Variants in SERINC1 observed in about 807,000 individuals in gnomAD.
The protein encoded by SERINC1 is serine incorporator 1.
A neutral mutation model predicts 52.9 loss-of-function variants in SERINC1; 38 were observed. The observed-to-expected ratio is 0.72, with a 90% CI of 0.55 to 0.94. The LOEUF (loss-of-function observed/expected upper bound fraction) is 0.94, where lower values mean the gene tolerates loss of function less well. SERINC1 is among the 40% of genes least tolerant of loss of function. The pLI, the probability that SERINC1 is intolerant of heterozygous loss-of-function variation, is 0.00. For missense variants in SERINC1, 471 were observed against 533.9 expected (o/e 0.88, Z 1.16); for synonymous variants, 198 against 183.1 (o/e 1.08, Z -0.66).
At chr6:122,458,755 A>T in intron 1 of SERINC1, 74 bp from the exon 2 acceptor site, 1 of 1,046,818 alleles carries the variant, frequency 9.6e-7, no homozygotes, top group Non-Finnish European at 1.4e-6. Flanking sequence ...ATACAATGAA[A>T]ATTGACATTC....
intron 9 of SERINC1, 72 bp from the exon 10 acceptor site, chr6:122,445,251 C>A: frequency 6.9e-7 from 1 of 1,452,302 alleles, no homozygotes; most frequent in Non-Finnish European, 9.5e-7. Context: ...TATGAAGCTT[C>A]ATTAATTCAG....
At chr6:122,460,989 TAAGAA>T (rs1775091238) in intron 1 of SERINC1, among the ~76,000 whole-genome samples, 1 of 151,608 alleles carries the variant, frequency 6.6e-6, no homozygotes, top group Non-Finnish European at 1.5e-5. Flanking sequence ...CCTGAAGACA[TAAGAA>T]AATAAATGAT....
chr6:122,471,115 C>A (rs1021744559), intron 1 of SERINC1, among the ~76,000 whole-genome samples: 9 of 151,628 alleles, frequency 5.9e-5, no homozygotes, highest in Non-Finnish European at 2.9e-5. Context: ...ATTGACACTT[C>A]AAACAGTTAC....
intron 7 of SERINC1, among the ~76,000 whole-genome samples, chr6:122,450,977 C>A (rs1171932600): frequency 6.6e-6 from 1 of 152,134 alleles, no homozygotes; most frequent in Non-Finnish European, 1.5e-5. Flanking sequence ...TAGAATATTA[C>A]ATAAACTTAC....
chr6:122,445,085 G>T lies in SERINC1; in HGVS notation c.1321C>A (p.Leu441Ile). Residue 441 changes from leucine (L) to isoleucine (I), a missense_variant, in exon 10 of 10, where the codon CTC (leucine) becomes ATC (isoleucine). Leu to Ile is a conservative substitution (Grantham distance 5). Transcript: ENST00000339697. ...TTTGTAAGAACAAGTGGTGCCACGA[G>T]TGTCCAAACATACAGCACGATGCCA... ...WIGIVLYVWT[L>I]VAPLVLTNRD... 2.5e-6 allele frequency: 4 copies of T among 1,614,020 alleles called. No individual in the cohort carries two copies. Among genetic ancestry groups the T allele is most frequent in the Non-Finnish European group, 3.4e-6 (4 of 1,179,918 alleles).
At chr6:122,456,445 C>A (rs778316534) in intron 3 of SERINC1, 36 bp downstream of exon 3, 2 of 1,363,400 alleles carry the variant, frequency 1.5e-6, no homozygotes, top group Admixed American at 2.7e-5. Context: ...AAGAGGCTAC[C>A]CAAGCTTTTA....
chr6:122,447,776 A>G (rs1000409605), intron 7 of SERINC1, among the ~76,000 whole-genome samples: 3 of 152,208 alleles, frequency 2.0e-5, no homozygotes, highest in Non-Finnish European at 4.4e-5. Context: ...AAATTACCCA[A>G]TAAAGTATAA....
intron 1 of SERINC1, among the ~76,000 whole-genome samples, chr6:122,471,203 G>A (rs928406939): frequency 6.6e-6 from 1 of 151,928 alleles, no homozygotes. Context: ...AATGACGACA[G>A]GCACTTTTTA....
In SERINC1 at chr6:122,453,866, G is replaced by T; in HGVS notation, c.493C>A (p.Leu165Ile). ...TCAATAAGTAAGACTAGTTGTATGA[G>T]GATGAAACAAAAGGCACCTGCCATG... Reference protein sequence around the residue: ...VGMAGAFCFILIQLVLLIDFA... With the variant: ...VGMAGAFCFIIIQLVLLIDFA... Residue 165 changes from leucine to isoleucine, a missense_variant, in exon 5 of 10, where the codon CTC becomes ATC. Physicochemically the swap from Leu to Ile is conservative, Grantham distance 5 (BLOSUM62 2). Transcript: ENST00000339697. 1 of 1,604,798 alleles carries T rather than the reference G, an allele frequency of 6.2e-7. No individual in the cohort carries two copies. Among genetic ancestry groups the T allele is most frequent in the Non-Finnish European group, 8.5e-7 (1 of 1,173,794 alleles).
intron 5 of SERINC1, 96 bp from the exon 6 acceptor site, chr6:122,452,153 A>G: frequency 1.3e-6 from 1 of 790,814 alleles, no homozygotes. Flanking sequence ...TCATTTTGTC[A>G]AAAAATATAT....
At chr6:122,454,035 AACAC>A in intron 4 of SERINC1, 112 bp downstream of exon 4, 19 of 1,097,174 alleles carry the variant, frequency 1.7e-5, no homozygotes, top group East Asian at 5.3e-5. Context: ...CAACTGGGGA[AACAC>A]ACACACACAC....
At chr6:122,454,251 A>G in intron 3 of SERINC1, 21 bp from the exon 4 acceptor site, 1 of 1,283,604 alleles carries the variant, frequency 7.8e-7, no homozygotes, top group Non-Finnish European at 1.1e-6. Flanking sequence ...AAGAAATATA[A>G]TTTTTTATTA....
At chr6:122,455,522 C>T (rs1774978601) in intron 3 of SERINC1, among the ~76,000 whole-genome samples, 1 of 152,068 alleles carries the variant, frequency 6.6e-6, no homozygotes, top group African/African-American at 2.4e-5. Context: ...CTAGGACTGG[C>T]TCTCCTTGCT....
Position 122,456,584 on chromosome 6 carries a change from C to T in SERINC1, c.268G>A (p.Val90Ile), listed in dbSNP as rs757640504. 11 of 1,612,496 alleles carry T rather than the reference C, an allele frequency of 6.8e-6. No homozygotes were observed. The highest frequency in any genetic ancestry group is 3.3e-5 in the Admixed American group (2 of 59,932). Residue 90 changes from valine to isoleucine, a missense_variant, in exon 3 of 10, where the codon GTA becomes ATA. By Grantham distance (29) the Val-to-Ile change is conservative. Coordinates refer to ENST00000339697, the MANE Select transcript of SERINC1 (RefSeq NM_020755.4). The part of the protein sequence containing the change: ...PCNILVGYKA[V>I]YRLCFGLAMF... ...GCCAAACCAAAGCACAAACGATATA[C>T]AGCTTTATAGCCAACCAAAATGTTA...
At chr6:122,448,090 G>C (rs1033288011) in intron 7 of SERINC1, among the ~76,000 whole-genome samples, 3 of 148,382 alleles carry the variant, frequency 2.0e-5, no homozygotes, top group African/African-American at 5.0e-5. Context: ...CCTAACGACA[G>C]AGCGAGACTC....
Position 122,458,581 on chromosome 6 carries a change from A to T in SERINC1, c.140T>A (p.Leu47His). The T allele has an allele frequency of 6.2e-7, 1 of 1,613,478 alleles. No individual in the cohort carries two copies. The highest frequency in any genetic ancestry group is 1.3e-5 in the African/African-American group (1 of 75,028). ...VTRLIYALFL[L>H]VGVCVACVML... The stretch of plus-strand genomic sequence containing the variant: ...TACACAAGCTACACATACTCCAACA[A>T]GCAAGAAAAGTGCATAGATCAATCT... Residue 47 changes from leucine to histidine, a missense_variant, in exon 2 of 10, where the codon CTT (leucine) becomes CAT (histidine). Coordinates refer to ENST00000339697, the MANE Select transcript of SERINC1 (RefSeq NM_020755.4).
intron 1 of SERINC1, among the ~76,000 whole-genome samples, chr6:122,459,948 C>T (rs959065195): frequency 6.6e-6 from 1 of 152,182 alleles, no homozygotes; most frequent in Non-Finnish European, 1.5e-5. Flanking sequence ...CATGACCAGA[C>T]TTATCCTCCT....
chr6:122,454,658 C>T (rs186326760), intron 3 of SERINC1: 23 of 158,658 alleles, frequency 1.4e-4, no homozygotes, highest in Non-Finnish European at 2.8e-4. Context: ...TCTGAGCTGA[C>T]ATTGATTCCA....
chr6:122,466,388 C>T (rs1189685036), intron 1 of SERINC1, among the ~76,000 whole-genome samples: 1 of 152,152 alleles, frequency 6.6e-6, no homozygotes, highest in Non-Finnish European at 1.5e-5. Flanking sequence ...ATGATTACAG[C>T]TCACTGAAGC....
Sources: allele counts gnomAD v4.1 joint callset (sites outside exome capture counted in the v4.1 genomes callset), GRCh38; gene constraint gnomAD v4.1.1; transcripts MANE v1.5; gene names NCBI Gene and HGNC (gene_info 2026-07-23, HGNC 2026-07-21).